P3H2: variants seen among roughly 807,000 people sequenced by gnomAD.
The protein encoded by P3H2 is prolyl 3-hydroxylase 2, also known as leprecan-like 1.
Under a neutral mutation model 87.0 loss-of-function variants are expected in P3H2, and 80 were observed. The ratio of observed to expected loss-of-function variants is 0.92; its 90% CI spans 0.77 to 1.11. P3H2 has a LOEUF of 1.11. P3H2 is among the 50% of genes least tolerant of loss of function. The pLI is 0.00. For synonymous variants in P3H2, 367 were observed against 359.3 expected (o/e 1.02, Z -0.24); for missense variants, 1,001 against 923.9 (o/e 1.08, Z -1.08).
intron 8 of P3H2, among the ~76,000 whole-genome samples, chr3:189,977,259 A>C (rs1723379019): frequency 6.6e-6 from 1 of 152,198 alleles, no homozygotes; most frequent in African/African-American, 2.4e-5. Flanking sequence ...ATGTTACATG[A>C]AATTGCAACT....
In P3H2 at chr3:190,004,194, T is replaced by C. The variant is rs893847142; in HGVS notation, c.481-8752A>G. Among the ~76,000 whole-genome samples, 5 of 152,180 alleles carry C rather than the reference T, an allele frequency of 3.3e-5. 1 individual carries two copies. Among genetic ancestry groups the C allele is most frequent in the African/African-American group, 1.2e-4 (5 of 41,440 alleles). The stretch of plus-strand genomic sequence containing the variant: ...TTTGTCATATAGGTTGTATGTTTTA[T>C]ATAGTTGGCAAAGCATTTTATAATA... On this transcript the variant is annotated intron_variant, in intron 1 of 14. Transcript: ENST00000319332.
At chr3:189,962,464 C>T (rs1343672292) in intron 14 of P3H2, among the ~76,000 whole-genome samples, 1 of 152,190 alleles carries the variant, frequency 6.6e-6, no homozygotes, top group Non-Finnish European at 1.5e-5. Context: ...CGTGAGCCAC[C>T]ACGCCCAGCC....
At chr3:190,075,095 G>C (rs993322774) in intron 1 of P3H2, among the ~76,000 whole-genome samples, 19 of 152,154 alleles carry the variant, frequency 1.2e-4, no homozygotes, top group Non-Finnish European at 2.5e-4. Context: ...CCAATACAGA[G>C]GCAAAACTGA....
intron 1 of P3H2, among the ~76,000 whole-genome samples, chr3:190,078,865 A>G (rs898394141): frequency 1.3e-5 from 2 of 152,114 alleles, no homozygotes; most frequent in Non-Finnish European, 2.9e-5. Flanking sequence ...TAATGTTCTT[A>G]GTTAAGGGTG....
chr3:190,086,268 G>A (rs1301219442), intron 1 of P3H2, among the ~76,000 whole-genome samples: 1 of 152,104 alleles, frequency 6.6e-6, no homozygotes, highest in East Asian at 1.9e-4. Context: ...GTCTCTTAAG[G>A]GCTATCACTG....
At position 189,957,700 on chromosome 3, in the gene P3H2, AAGAG is replaced by A. The variant is rs3062112; in HGVS notation, c.*208_*211del. 25,776 of 536,322 alleles carry A rather than the reference AAGAG, an allele frequency of 0.048. 1,372 individuals are homozygous for A. The highest frequency in any genetic ancestry group is 0.24 in the African/African-American group (12,129 of 51,204). The allele number at this position is 536,322 out of a possible 1,614,324, so 33.2% of individuals were successfully genotyped here. A position where few individuals can be genotyped will look rare whatever the true frequency, so the allele number is the denominator to read the frequency against. Reference sequence around the variant, plus strand: ...AACATGGTTAGACCATGTCTCTAAGAAGAGAGAGAGAGAGAGAGAGAGAGAAAAC... The same window carrying A: ...AACATGGTTAGACCATGTCTCTAAGAAGAGAGAGAGAGAGAGAGAGAAAAC... On this transcript the variant is annotated 3_prime_UTR_variant, in exon 15 of 15. Transcript: ENST00000319332.
chr3:190,015,291 C>T (rs757883756), intron 1 of P3H2, among the ~76,000 whole-genome samples: 1 of 152,198 alleles, frequency 6.6e-6, no homozygotes, highest in Non-Finnish European at 1.5e-5. Flanking sequence ...AGATGACTTC[C>T]AGTTTCCTAT....
intron 1 of P3H2, among the ~76,000 whole-genome samples, chr3:190,023,303 AGAT>A: frequency 6.6e-6 from 1 of 152,194 alleles, no homozygotes; most frequent in East Asian, 1.9e-4. Flanking sequence ...TTTTTTATAA[AGAT>A]GATGAGTGTG....
intron 1 of P3H2, among the ~76,000 whole-genome samples, chr3:190,024,551 AAAG>A (rs1270386760): frequency 2.7e-5 from 4 of 148,982 alleles, no homozygotes; most frequent in African/African-American, 1.0e-4. Context: ...AAAAAAAAAA[AAAG>A]AAAGAAAGAA....
At position 190,067,549 on chromosome 3, in the gene P3H2, C is replaced by T. The variant is rs114671220; in HGVS notation, c.480+52703G>A. Among the ~76,000 whole-genome samples the T allele has an allele frequency of 9.6e-3, 1,458 of 152,158 alleles. 20 individuals carry two copies. The highest frequency in any genetic ancestry group is 0.032 in the African/African-American group (1,343 of 41,518). On this transcript the variant is annotated intron_variant, in intron 1 of 14. Transcript: ENST00000319332. Reference sequence around the variant, plus strand: ...TTATCTCAATTTCTCTAGAGTTTTGCTTTTGAATAACTAGTGATTCTGTGT... The same window carrying T: ...TTATCTCAATTTCTCTAGAGTTTTGTTTTTGAATAACTAGTGATTCTGTGT...
chr3:190,042,572 A>G (rs940369534), intron 1 of P3H2, among the ~76,000 whole-genome samples: 1 of 152,212 alleles, frequency 6.6e-6, no homozygotes. Flanking sequence ...TATATTTGTA[A>G]TAAAAGATTT....
chr3:190,004,043 T>C (rs77885375), intron 1 of P3H2, among the ~76,000 whole-genome samples: 2,540 of 152,256 alleles, frequency 0.017, 72 homozygotes, highest in African/African-American at 0.058. Context: ...TGTCAGATTT[T>C]GAAAAATAAA....
chr3:190,030,863 A>G (rs570658327), intron 1 of P3H2, among the ~76,000 whole-genome samples: 288 of 152,344 alleles, frequency 1.9e-3, no homozygotes, highest in Non-Finnish European at 3.0e-3. Flanking sequence ...TATTACATAA[A>G]ATCAATAAAT....
chr3:190,072,686 C>G (rs541123882), intron 1 of P3H2, among the ~76,000 whole-genome samples: 1 of 143,528 alleles, frequency 7.0e-6, no homozygotes, highest in Admixed American at 6.7e-5. Flanking sequence ...TATACTACAG[C>G]TATTCAAAAA....
intron 13 of P3H2, among the ~76,000 whole-genome samples, chr3:189,970,560 TC>T (rs1302752242): frequency 6.6e-6 from 1 of 151,866 alleles, no homozygotes; most frequent in African/African-American, 2.4e-5. Flanking sequence ...TGGTTCCAAG[TC>T]TAACACTAAC....
At chr3:190,083,078 G>A (rs1331017862) in intron 1 of P3H2, among the ~76,000 whole-genome samples, 2 of 152,136 alleles carry the variant, frequency 1.3e-5, no homozygotes, top group African/African-American at 4.8e-5. Flanking sequence ...TCACAACCAA[G>A]CAGCTCATAA....
At chr3:189,983,838 T>C (rs918143200) in intron 7 of P3H2, among the ~76,000 whole-genome samples, 6 of 152,162 alleles carry the variant, frequency 3.9e-5, no homozygotes, top group African/African-American at 1.4e-4. Context: ...AGCTGGACCA[T>C]GTGATCTCAA....
intron 1 of P3H2, among the ~76,000 whole-genome samples, chr3:190,111,867 TA>T (rs1402670581): frequency 1.3e-5 from 2 of 152,190 alleles, no homozygotes; most frequent in African/African-American, 2.4e-5. Flanking sequence ...TGAAGGAACC[TA>T]AATAATTAAG....
intron 14 of P3H2, 71 bp downstream of exon 14, chr3:189,963,887 T>G: frequency 2.0e-6 from 3 of 1,532,984 alleles, no homozygotes; most frequent in Non-Finnish European, 9.0e-7. Flanking sequence ...CGAAGCAATT[T>G]AAAGGACTTC....
Sources: allele counts gnomAD v4.1 joint callset (sites outside exome capture counted in the v4.1 genomes callset), GRCh38; gene constraint gnomAD v4.1.1; transcripts MANE v1.5; gene names NCBI Gene and HGNC (gene_info 2026-07-23, HGNC 2026-07-21).